AFF3: variants seen among roughly 807,000 people sequenced by gnomAD.
AFF3 encodes the protein AF4/FMR2 family member 3.
Under a neutral mutation model 129.7 loss-of-function variants are expected in AFF3, and 32 were observed. The ratio of observed to expected loss-of-function variants is 0.25; its 90% CI spans 0.19 to 0.33. The LOEUF is 0.33. Ranked by LOEUF, AFF3 falls within the 10% of genes least tolerant of loss-of-function variation. The pLI is 1.00. For synonymous variants in AFF3, 644 were observed against 635.4 expected (o/e 1.01, Z -0.20); for missense variants, 1,373 against 1,592.0 (o/e 0.86, Z 2.34).
chr2:99,860,033 T>C (rs1347401028), intron 7 of AFF3, among the ~76,000 whole-genome samples: 1 of 152,192 alleles, frequency 6.6e-6, no homozygotes, highest in African/African-American at 2.4e-5. Flanking sequence ...AGTCAGGTAT[T>C]TTCCATATAG....
intron 1 of AFF3, among the ~76,000 whole-genome samples, chr2:100,130,882 C>G (rs1692402216): frequency 1.3e-5 from 2 of 152,118 alleles, no homozygotes; most frequent in South Asian, 4.1e-4. Flanking sequence ...TAACCACTCA[C>G]TCTTCATTTC....
At chr2:99,808,377 T>C (rs1054691981) in intron 8 of AFF3, among the ~76,000 whole-genome samples, 11 of 152,276 alleles carry the variant, frequency 7.2e-5, no homozygotes, top group African/African-American at 2.6e-4. Flanking sequence ...AGAAAATAAG[T>C]GTCATTATTC....
chr2:99,655,339 T>C (rs1685657247), intron 12 of AFF3, among the ~76,000 whole-genome samples: 1 of 151,834 alleles, frequency 6.6e-6, no homozygotes, highest in South Asian at 2.1e-4. Context: ...GGAAACCTTG[T>C]TTGGAATGAG....
chr2:99,870,638 C>G (rs1308272261), intron 7 of AFF3, among the ~76,000 whole-genome samples: 1 of 152,208 alleles, frequency 6.6e-6, no homozygotes, highest in Non-Finnish European at 1.5e-5. Context: ...CAGCAGGCCC[C>G]CTGGCAGGCT....
At chr2:99,653,471 C>T (rs527550250) in intron 12 of AFF3, among the ~76,000 whole-genome samples, 199 of 152,316 alleles carry the variant, frequency 1.3e-3, no homozygotes, top group African/African-American at 4.3e-3. Flanking sequence ...TTCTGTGATA[C>T]GGAAACAGCG....
intron 4 of AFF3, 136 bp from the exon 5 acceptor site, chr2:100,009,068 G>T: frequency 8.2e-7 from 1 of 1,221,698 alleles, no homozygotes; most frequent in Non-Finnish European, 1.1e-6. Context: ...TGAGACAAAA[G>T]CCAGAGTCAT....
intron 14 of AFF3, among the ~76,000 whole-genome samples, chr2:99,594,714 T>C (rs1013326814): frequency 1.2e-4 from 18 of 152,138 alleles, no homozygotes; most frequent in African/African-American, 4.3e-4. Flanking sequence ...CTTAAAACTT[T>C]GGGGAGATCT....
At chr2:99,933,836 T>C (rs1674274115) in intron 7 of AFF3, among the ~76,000 whole-genome samples, 1 of 152,194 alleles carries the variant, frequency 6.6e-6, no homozygotes. Flanking sequence ...CTCTTTCAAA[T>C]ACGAGACTTG....
chr2:99,652,668 T>C (rs1220757361), intron 12 of AFF3, among the ~76,000 whole-genome samples: 2 of 152,208 alleles, frequency 1.3e-5, no homozygotes, highest in African/African-American at 4.8e-5. Flanking sequence ...TCATTTGCTA[T>C]GGACCTTGCG....
At chr2:99,965,052 AG>A (rs1259738950) in intron 7 of AFF3, among the ~76,000 whole-genome samples, 2 of 152,216 alleles carry the variant, frequency 1.3e-5, no homozygotes, top group Non-Finnish European at 2.9e-5. Flanking sequence ...GTTGATACTC[AG>A]GGGTAAGACT....
At chr2:100,114,249 G>C (rs1691637289) in intron 2 of AFF3, among the ~76,000 whole-genome samples, 1 of 152,202 alleles carries the variant, frequency 6.6e-6, no homozygotes, top group Admixed American at 6.5e-5. Context: ...AGAGCACAGT[G>C]AAAATGTGAA....
intron 2 of AFF3, among the ~76,000 whole-genome samples, chr2:100,108,357 T>C (rs1243494070): frequency 6.6e-6 from 1 of 152,186 alleles, no homozygotes; most frequent in African/African-American, 2.4e-5. Flanking sequence ...GGTGCCTTTC[T>C]TTCTGTATTT....
At chr2:100,010,771 T>C (rs899886881) in intron 4 of AFF3, among the ~76,000 whole-genome samples, 7 of 152,066 alleles carry the variant, frequency 4.6e-5, no homozygotes, top group South Asian at 2.1e-4. Context: ...CAGTTCCCAG[T>C]AGAGGGTATG....
At chr2:100,010,985 C>A (rs1682473861) in intron 4 of AFF3, among the ~76,000 whole-genome samples, 1 of 152,108 alleles carries the variant, frequency 6.6e-6, no homozygotes, top group African/African-American at 2.4e-5. Context: ...AGTTAGAAAA[C>A]AAAAAGCAGC....
At chr2:99,875,477 A>G (rs1462975033) in intron 7 of AFF3, among the ~76,000 whole-genome samples, 2 of 152,046 alleles carry the variant, frequency 1.3e-5, no homozygotes, top group African/African-American at 4.8e-5. Flanking sequence ...TCTTCCTCCA[A>G]CGGATTATTC....
chr2:99,713,116 A>G (rs1678049360), intron 11 of AFF3, among the ~76,000 whole-genome samples: 1 of 152,152 alleles, frequency 6.6e-6, no homozygotes, highest in Non-Finnish European at 1.5e-5. Flanking sequence ...ATGGGCACAG[A>G]GTTTCAGTTT....
At chr2:99,666,911 C>G (rs573875948) in intron 12 of AFF3, among the ~76,000 whole-genome samples, 404 of 152,086 alleles carry the variant, frequency 2.7e-3, no homozygotes, top group Non-Finnish European at 4.8e-3. Flanking sequence ...GAAAACAACC[C>G]GATTGAATAG....
At chr2:99,963,506 C>A (rs142864616) in intron 7 of AFF3, among the ~76,000 whole-genome samples, 1 of 151,972 alleles carries the variant, frequency 6.6e-6, no homozygotes, top group East Asian at 1.9e-4. Context: ...ACATTCTACA[C>A]GAGGTTTAAC....
intron 7 of AFF3, among the ~76,000 whole-genome samples, chr2:99,930,936 C>T (rs1459282291): frequency 1.3e-5 from 2 of 152,124 alleles, no homozygotes; most frequent in Non-Finnish European, 1.5e-5. Context: ...ACAGCACATC[C>T]GGGAGCAACT....
Sources: gnomAD v4.1 joint callset for allele counts (sites outside exome capture counted in the v4.1 genomes callset) on GRCh38, gnomAD v4.1.1 for gene constraint, MANE v1.5 for transcripts, NCBI Gene and HGNC (gene_info 2026-07-23, HGNC 2026-07-21) for gene names.